The following PIK3R5 variants were observed in gnomAD, a reference collection of about 807,000 sequenced individuals.
The protein encoded by PIK3R5 is phosphoinositide 3-kinase regulatory subunit 5.
PIK3R5 carries 32 observed loss-of-function variants against 94.9 expected under a neutral mutation model. The observed-to-expected ratio is 0.34, with a 90% CI of 0.25 to 0.45. The LOEUF is 0.45. Ranked by LOEUF, PIK3R5 falls within the 20% of genes least tolerant of loss-of-function variation. The pLI is 1.00. For missense variants in PIK3R5, 853 were observed against 1,144.6 expected, an observed-to-expected ratio of 0.75 and a Z score of 3.68; for synonymous variants, 443 against 479.4, an observed-to-expected ratio of 0.92 and a Z score of 0.99.
intron 1 of PIK3R5, among the ~76,000 whole-genome samples, chr17:8,947,503 G>A (rs188786208): frequency 1.7e-4 from 26 of 151,952 alleles, no homozygotes; most frequent in South Asian, 6.2e-4. Context: ...GTTTCCGTGC[G>A]TATCTAGTCT....
At chr17:8,919,498 G>A (rs963760453) in intron 1 of PIK3R5, among the ~76,000 whole-genome samples, 1 of 152,190 alleles carries the variant, frequency 6.6e-6, no homozygotes, top group Non-Finnish European at 1.5e-5. Context: ...AATTTCTGGG[G>A]CTCTGTGGGG....
At chr17:8,939,373 G>T (rs986146356) in intron 1 of PIK3R5, among the ~76,000 whole-genome samples, 13 of 152,144 alleles carry the variant, frequency 8.5e-5, no homozygotes, top group Non-Finnish European at 1.8e-4. Context: ...TGCTTTAAAT[G>T]CATGAAATAA....
intron 5 of PIK3R5, among the ~76,000 whole-genome samples, chr17:8,894,261 A>G (rs1417393640): frequency 2.6e-5 from 4 of 152,210 alleles, no homozygotes; most frequent in African/African-American, 9.6e-5. Flanking sequence ...ACCTGGGCCC[A>G]GGAGGCTGCC....
rs773997756 is a variant in PIK3R5, at chr17:8,910,690, T to G, written c.103+702A>C. On this transcript the variant is annotated intron_variant, in intron 2 of 18. Coordinates refer to ENST00000447110, the MANE Select transcript of PIK3R5 (RefSeq NM_001142633.3). Reference sequence around the variant, plus strand: ...AGCGACATTTGAGCTGAGACCTGGATGAGAAGGAGCCAGCTATGTGTACTT... The same window carrying G: ...AGCGACATTTGAGCTGAGACCTGGAGGAGAAGGAGCCAGCTATGTGTACTT... 7.2e-5 allele frequency among the ~76,000 whole-genome samples: 11 copies of G among 152,230 alleles called. 2 individuals carry two copies. The Middle Eastern group carries it at 0.02, about 282-fold the overall frequency.
chr17:8,927,301 T>G (rs935921888), intron 1 of PIK3R5, among the ~76,000 whole-genome samples: 6 of 152,204 alleles, frequency 3.9e-5, no homozygotes, highest in African/African-American at 1.2e-4. Flanking sequence ...AAAATTGTGG[T>G]GCCACCTCCA....
chr17:8,880,485 A>AT lies in PIK3R5; in HGVS notation c.*153_*154insA. 1.4e-6 allele frequency: 1 copy of AT among 695,612 alleles called. No homozygotes were observed. The highest frequency in any genetic ancestry group is 2.2e-6 in the Non-Finnish European group (1 of 452,234). 43.1% of individuals were successfully genotyped at this position (695,612 alleles called of 1,614,324 possible). ...TTCCCAGAACCCTGAGGCCCCAGAA[A>AT]CCCTCTACTCCCAGCCCCTGCTCAT... On this transcript the variant is annotated 3_prime_UTR_variant, in exon 19 of 19. Coordinates refer to ENST00000447110, the MANE Select transcript of PIK3R5 (RefSeq NM_001142633.3).
rs1043567145 is a variant in PIK3R5 at position 8,889,837 on chromosome 17, A to C, written c.811+136T>G. The C allele has an allele frequency of 4.8e-6, 4 of 826,768 alleles. No homozygotes were observed. Among genetic ancestry groups the C allele is most frequent in the Non-Finnish European group, 7.8e-6 (4 of 513,400 alleles). The allele number at this position is 826,768 out of a possible 1,614,324, so 51.2% of individuals were successfully genotyped here. Reference sequence around the variant, plus strand: ...GAGACACCCTAGGGGATGGCAGAGCAGTGAGATGCTGAAGAAGCTGAGTCC... The same window carrying C: ...GAGACACCCTAGGGGATGGCAGAGCCGTGAGATGCTGAAGAAGCTGAGTCC... On this transcript the variant is annotated intron_variant, in intron 8 of 18. Coordinates refer to ENST00000447110, the MANE Select transcript of PIK3R5 (RefSeq NM_001142633.3). The surrounding 1 kb of genome is among the most constrained non-coding windows in gnomAD (Gnocchi z 4.1).
intron 5 of PIK3R5, among the ~76,000 whole-genome samples, chr17:8,900,711 G>T (rs1387006127): frequency 2.0e-5 from 3 of 152,184 alleles, no homozygotes; most frequent in Admixed American, 2.0e-4. Context: ...TGTGCTGCAG[G>T]CTTCACATGT....
At chr17:8,938,013 G>T (rs1325910974) in intron 1 of PIK3R5, among the ~76,000 whole-genome samples, 2 of 152,150 alleles carry the variant, frequency 1.3e-5, no homozygotes, top group Non-Finnish European at 2.9e-5. Context: ...GTTTCACCAT[G>T]TTGGCCAGGC....
chr17:8,888,793 C>A lies in PIK3R5; in HGVS notation c.994G>T (p.Glu332Ter), dbSNP rs1021901251. Residue 332 changes from glutamate (E) to a stop codon, truncating the protein, a stop_gained, in exon 10 of 19, where the codon GAG (glutamate) becomes TAG (stop). Transcript: ENST00000447110. LOFTEE classifies it high-confidence loss of function. This position sits in a 1 kb window ranked among gnomAD's most constrained non-coding sequence, Gnocchi z 7.8. ...EEEEEEEEVEEDLETDGHCAE... is the reference protein window; with the variant it reads ...EEEEEEEEVE ...CAGTGCCCGTCAGTTTCCAAGTCCT[C>A]CTCCACCTCCTCCTCCTCCTCTTCC... 9 of 1,612,034 alleles carry A rather than the reference C, an allele frequency of 5.6e-6. No homozygotes were observed. Among genetic ancestry groups the A allele is most frequent in the Admixed American group, 1.7e-5 (1 of 60,024 alleles).
In PIK3R5 at chr17:8,892,403, A is replaced by G. The variant is rs1327772099; in HGVS notation, c.482+1183T>C. Among the ~76,000 whole-genome samples the G allele has an allele frequency of 1.3e-5, 2 of 151,820 alleles. No individual in the cohort carries two copies. Among genetic ancestry groups the G allele is most frequent in the African/African-American group, 4.8e-5 (2 of 41,310 alleles). ...CCCGAAGAATTTATCATCATTCTCA[A>G]TTTACAGATAATGAAAGTGAGACCA... On this transcript the variant is annotated intron_variant, in intron 6 of 18. Transcript: ENST00000447110. This position sits in a 1 kb window ranked among gnomAD's most constrained non-coding sequence, Gnocchi z 4.3.
At chr17:8,943,525 C>A (rs1274570778) in intron 1 of PIK3R5, among the ~76,000 whole-genome samples, 5 of 152,142 alleles carry the variant, frequency 3.3e-5, no homozygotes, top group Admixed American at 6.5e-5. Context: ...GTAATCCCAG[C>A]ACTTTGGGAG....
chr17:8,915,467 C>T (rs531787669), intron 1 of PIK3R5, among the ~76,000 whole-genome samples: 1 of 152,110 alleles, frequency 6.6e-6, no homozygotes, highest in South Asian at 2.1e-4. Flanking sequence ...ATTGTGAGCC[C>T]CACCACATCT....
At position 8,904,021 on chromosome 17, in the gene PIK3R5, G is replaced by C. The variant is rs2151397767; in HGVS notation, c.412+756C>G. ...TGTTGCCATATTAAAAGCACTTCTA[G>C]AGTAATCGTTTCCATATATTGAGGG... is the stretch of plus-strand genomic sequence containing the variant. On this transcript the variant is annotated intron_variant, in intron 5 of 18. Transcript: ENST00000447110. The surrounding 1 kb of genome is among the most constrained non-coding windows in gnomAD (Gnocchi z 5.1). Among the ~76,000 whole-genome samples, 1 of 152,346 alleles carries C rather than the reference G, an allele frequency of 6.6e-6. No homozygotes were observed. Among genetic ancestry groups the C allele is most frequent in the Non-Finnish European group, 1.5e-5 (1 of 68,040 alleles).
In PIK3R5 at chr17:8,890,590, AG is replaced by A. The variant is rs1455362688; in HGVS notation, c.657+147del. ...CAGCACACCAGAAACACCCTCTATG[AG>A]GTCAGCCCTCCAGCCACCACCCTGC... On this transcript the variant is annotated intron_variant, in intron 7 of 18. Transcript: ENST00000447110. This position sits in a 1 kb window ranked among gnomAD's most constrained non-coding sequence, Gnocchi z 6.1. 1.4e-6 allele frequency: 1 copy of A among 704,258 alleles called. No homozygotes were observed. The highest frequency in any genetic ancestry group is 1.8e-5 in the African/African-American group (1 of 55,772). 43.6% of individuals were successfully genotyped at this position (704,258 alleles called of 1,614,324 possible). A position where few individuals can be genotyped will look rare whatever the true frequency, so the allele number is the denominator to read the frequency against.
intron 1 of PIK3R5, among the ~76,000 whole-genome samples, chr17:8,942,903 GC>G (rs1406241558): frequency 1.3e-5 from 2 of 151,168 alleles, no homozygotes; most frequent in Non-Finnish European, 2.9e-5. Flanking sequence ...ACTGCACCCG[GC>G]CCTGTCAGCC....
chr17:8,889,968 C>T lies in PIK3R5; in HGVS notation c.811+5G>A, dbSNP rs2089983521. The stretch of plus-strand genomic sequence containing the variant: ...GGGAGAACCCCATTCTCCCAAGAGC[C>T]TCACCTAACACCCCAGGGAAGCCAG... On this transcript the variant is annotated splice_donor_5th_base_variant and intron_variant, in intron 8 of 18. Coordinates refer to ENST00000447110, the MANE Select transcript of PIK3R5 (RefSeq NM_001142633.3). This position sits in a 1 kb window ranked among gnomAD's most constrained non-coding sequence, Gnocchi z 4.1. 1.9e-6 allele frequency: 3 copies of T among 1,613,666 alleles called. No individual in the cohort carries two copies. The highest frequency in any genetic ancestry group is 2.5e-6 in the Non-Finnish European group (3 of 1,179,908).
intron 5 of PIK3R5, among the ~76,000 whole-genome samples, chr17:8,899,608 C>G (rs1005817814): frequency 6.6e-6 from 1 of 152,192 alleles, no homozygotes; most frequent in Non-Finnish European, 1.5e-5. Context: ...GTACAATGGT[C>G]TGGTCCCAAG....
chr17:8,961,474 A>C (rs1206893335), intron 1 of PIK3R5, among the ~76,000 whole-genome samples: 1 of 152,124 alleles, frequency 6.6e-6, no homozygotes, highest in African/African-American at 2.4e-5. Context: ...ATCTCTACTA[A>C]AAATACAAAA....
Sources: gnomAD v4.1 joint callset for allele counts (sites outside exome capture counted in the v4.1 genomes callset) on GRCh38, gnomAD v4.1.1 for gene constraint, Gnocchi (gnomAD v3.1) non-coding constraint, MANE v1.5 for transcripts, NCBI Gene and HGNC (gene_info 2026-07-23, HGNC 2026-07-21) for gene names.